Variants in CEP162 observed in about 807,000 individuals in gnomAD.
CEP162 encodes centrosomal protein of 162 kDa.
CEP162 carries 141 observed loss-of-function variants against 169.2 expected under a neutral mutation model. That is an observed-to-expected ratio of 0.83 (90% CI 0.73 to 0.96). The LOEUF (loss-of-function observed/expected upper bound fraction) is 0.96. CEP162 is among the 40% of genes least tolerant of loss of function. The pLI is 0.00. For synonymous variants in CEP162, 540 were observed against 526.4 expected (o/e 1.03, Z -0.35); for missense variants, 1,600 against 1,587.2 (o/e 1.01, Z -0.14).
intron 11 of CEP162, among the ~76,000 whole-genome samples, chr6:84,189,582 C>T (rs571040635): frequency 3.9e-5 from 6 of 152,340 alleles, no homozygotes; most frequent in East Asian, 3.9e-4. Context: ...CTCGATTTCT[C>T]GCCGGGCCTT....
In CEP162 at chr6:84,174,802, C is replaced by T; in HGVS notation, c.1950G>A (p.Lys650=). The T allele has an allele frequency of 1.3e-6, 2 of 1,588,142 alleles. No homozygotes were observed. Among genetic ancestry groups the T allele is most frequent in the East Asian group, 2.3e-5 (1 of 44,342 alleles). ...CCTGTTGTTTCTTTAGTTCTTCCAA[C>T]TTATTTTCTAGTTCTTTCTCCTTTT... ...FSEKEKELEN[K]LEELKKQQEK... Residue 650 remains lysine (K), a synonymous_variant, in exon 15 of 27, where the codon AAG becomes AAA. Transcript: ENST00000403245.
At chr6:84,220,964 C>T (rs2099553518) in intron 3 of CEP162, 93 bp downstream of exon 3, 1 of 637,850 alleles carries the variant, frequency 1.6e-6, no homozygotes, top group Non-Finnish European at 2.8e-6. Flanking sequence ...GTATTATTTT[C>T]TGTATATATT....
intron 3 of CEP162, among the ~76,000 whole-genome samples, chr6:84,220,027 T>C (rs1289546772): frequency 6.6e-6 from 1 of 152,084 alleles, no homozygotes; most frequent in Non-Finnish European, 1.5e-5. Flanking sequence ...CATGAGATAA[T>C]GCACAGAGGC....
chr6:84,174,913 T>A lies in CEP162; in HGVS notation c.1839A>T (p.Leu613Phe), dbSNP rs977218579. 34 of 1,587,130 alleles carry A rather than the reference T, an allele frequency of 2.1e-5. No homozygotes were observed. The highest frequency in any genetic ancestry group is 2.7e-5 in the Non-Finnish European group (31 of 1,166,162). ...CTTCCTGAACTCTTTTAAACATAAG[T>A]AATTTCTTCTCCTTGTTCTCACCAC... ...GYCGENKEKK[L>F]LMFKRVQEAE... The change falls in exon 15 of 27, where the codon TTA becomes TTT. Residue 613 changes from leucine to phenylalanine, a missense_variant. Physicochemically the swap from Leu to Phe is conservative, Grantham distance 22. Coordinates refer to ENST00000403245, the MANE Select transcript of CEP162 (RefSeq NM_014895.4).
At position 84,152,946 on chromosome 6, in the gene CEP162, G is replaced by A. The variant is rs770164253; in HGVS notation, c.3228C>T (p.Phe1076=). ...KDDEDFQSIE[F]QVEQAHAKAK... ...CTTTAGCATGAGCCTGTTCCACCTGGAATTCTATAGACTGAAAATCTTCAT... is the reference window on the plus strand; with the variant it reads ...CTTTAGCATGAGCCTGTTCCACCTGAAATTCTATAGACTGAAAATCTTCAT... Residue 1076 remains phenylalanine (F), a synonymous_variant, in exon 23 of 27, where the codon TTC becomes TTT. Coordinates refer to ENST00000403245, the MANE Select transcript of CEP162 (RefSeq NM_014895.4). The A allele has an allele frequency of 1.9e-6, 3 of 1,613,634 alleles. No individual in the cohort carries two copies. In the East Asian group the frequency reaches 6.7e-5, roughly 36 times the overall value.
At chr6:84,194,245 T>C (rs1758923676) in intron 10 of CEP162, among the ~76,000 whole-genome samples, 1 of 151,150 alleles carries the variant, frequency 6.6e-6, no homozygotes, top group Non-Finnish European at 1.5e-5. Flanking sequence ...ATCCCAGCTA[T>C]GCAGGAGGCT....
chr6:84,190,610 T>A (rs2127719916), intron 11 of CEP162, among the ~76,000 whole-genome samples: 1 of 151,676 alleles, frequency 6.6e-6, no homozygotes, highest in Non-Finnish European at 1.5e-5. Context: ...TTAAGAGCTG[T>A]AACACTCACT....
intron 11 of CEP162, among the ~76,000 whole-genome samples, chr6:84,192,167 G>C (rs1260504107): frequency 6.6e-6 from 1 of 152,112 alleles, no homozygotes; most frequent in East Asian, 1.9e-4. Context: ...AGATTTCAAG[G>C]ATTATGTTAT....
chr6:84,186,005 C>A (rs1426443573), intron 12 of CEP162, among the ~76,000 whole-genome samples: 2 of 152,016 alleles, frequency 1.3e-5, no homozygotes, highest in Non-Finnish European at 2.9e-5. Context: ...ATACAAATGA[C>A]TGGAAAGACT....
At chr6:84,146,878 T>C (rs2099519111) in intron 24 of CEP162, 93 bp from the exon 25 acceptor site, 2 of 558,052 alleles carry the variant, frequency 3.6e-6, no homozygotes, top group Non-Finnish European at 6.2e-6. Flanking sequence ...AGGGAACTCT[T>C]ATATACTGTT....
At chr6:84,127,465 A>G (rs1297741656) in intron 25 of CEP162, among the ~76,000 whole-genome samples, 1 of 152,126 alleles carries the variant, frequency 6.6e-6, no homozygotes, top group Non-Finnish European at 1.5e-5. Context: ...TATACAGACT[A>G]TAATTGGGAT....
At position 84,152,732 on chromosome 6, in the gene CEP162, T is replaced by C. The variant is rs372272481; in HGVS notation, c.3442A>G (p.Asn1148Asp). 6.2e-6 allele frequency: 10 copies of C among 1,613,056 alleles called. No individual in the cohort carries two copies. The highest frequency in any genetic ancestry group is 5.9e-6 in the Non-Finnish European group (7 of 1,179,576). The part of the protein sequence containing the change: ...DVLHSSKGNA[N>D]SFPGTLDSKL... The stretch of plus-strand genomic sequence containing the variant: ...CTGTCCAGGGTTCCAGGGAAGGAGT[T>C]AGCATTTCCTTTACTTGAGTGCAAA... The change falls in exon 23 of 27, where the codon AAC (asparagine) becomes GAC (aspartate). Residue 1148 changes from asparagine (N) to aspartate (D), a missense_variant. By Grantham distance (23) the Asn-to-Asp change is conservative. Coordinates refer to ENST00000403245, the MANE Select transcript of CEP162 (RefSeq NM_014895.4).
intron 18 of CEP162, among the ~76,000 whole-genome samples, chr6:84,167,060 G>T (rs2099528124): frequency 6.6e-6 from 1 of 152,068 alleles, no homozygotes; most frequent in South Asian, 2.1e-4. Context: ...ACTAAATGTG[G>T]ACTTTTACTC....
At chr6:84,203,952 A>G (rs2099545670) in intron 7 of CEP162, 29 bp downstream of exon 7, 1 of 1,451,514 alleles carries the variant, frequency 6.9e-7, no homozygotes, top group Non-Finnish European at 9.4e-7. Flanking sequence ...AAGTTGCAAA[A>G]CTGTCAAATA....
chr6:84,187,926 G>A (rs567269100), intron 11 of CEP162, among the ~76,000 whole-genome samples: 3 of 152,282 alleles, frequency 2.0e-5, no homozygotes, highest in Admixed American at 2.0e-4. Flanking sequence ...AAAGAGAATA[G>A]AAGGAATCTA....
In CEP162 at chr6:84,175,249, G is replaced by T; in HGVS notation, c.1762C>A (p.Pro588Thr). ...CLSTRKKSEN[P>T]TETDSCIQFQ... ...TGAATACAGGAATCAGTTTCTGTGG[G>T]ATTTTCAGACTTCTTACGAGTAGAC... The change falls in exon 14 of 27, where the codon CCC becomes ACC. Residue 588 changes from proline (P) to threonine (T), a missense_variant. By Grantham distance (38) the Pro-to-Thr change is conservative (BLOSUM62 -1). Transcript: ENST00000403245. The T allele has an allele frequency of 6.5e-7, 1 of 1,542,650 alleles. No homozygotes were observed. Among genetic ancestry groups the T allele is most frequent in the Non-Finnish European group, 8.8e-7 (1 of 1,141,894 alleles).
At chr6:84,174,634 T>C (rs1476088271) in intron 15 of CEP162, 93 bp downstream of exon 15, 5 of 658,780 alleles carry the variant, frequency 7.6e-6, no homozygotes, top group Non-Finnish European at 1.3e-5. Context: ...CAAACATCTC[T>C]AGGAACCAAG....
chr6:84,184,178 T>C (rs2099536102), intron 13 of CEP162, among the ~76,000 whole-genome samples: 1 of 152,116 alleles, frequency 6.6e-6, no homozygotes. Flanking sequence ...CTAAAGCAAT[T>C]CTTCCCTCAC....
chr6:84,131,417 CGTT>C (rs1316716973), intron 25 of CEP162, among the ~76,000 whole-genome samples: 3 of 152,084 alleles, frequency 2.0e-5, no homozygotes, highest in Non-Finnish European at 4.4e-5. Context: ...CTTTCTGTCT[CGTT>C]GATCTGTCTA....
Sources: allele counts gnomAD v4.1 joint callset (sites outside exome capture counted in the v4.1 genomes callset), GRCh38; gene constraint gnomAD v4.1.1; transcripts MANE v1.5; gene names NCBI Gene and HGNC (gene_info 2026-07-23, HGNC 2026-07-21).